The following UBTD2 variants were observed in gnomAD, a reference collection of about 807,000 sequenced individuals.
The protein encoded by UBTD2 is ubiquitin domain-containing protein 2.
Under a neutral mutation model 19.8 loss-of-function variants are expected in UBTD2, and 9 were observed. The ratio of observed to expected loss-of-function variants is 0.46; its 90% CI spans 0.27 to 0.79. The LOEUF (loss-of-function observed/expected upper bound fraction) is 0.79. Ranked by LOEUF, UBTD2 falls within the 30% of genes least tolerant of loss-of-function variation. The pLI is 0.14. For synonymous variants in UBTD2, 98 were observed against 103.9 expected (o/e 0.94, Z 0.35); for missense variants, 250 against 300.4 (o/e 0.83, Z 1.24).
At chr5:172,226,397 C>T (rs1022692658) in intron 2 of UBTD2, among the ~76,000 whole-genome samples, 6 of 151,424 alleles carry the variant, frequency 4.0e-5, no homozygotes, top group African/African-American at 1.2e-4. Flanking sequence ...AGTCTGTTTC[C>T]TCAAGAATTA....
intron 2 of UBTD2, among the ~76,000 whole-genome samples, chr5:172,228,594 G>A (rs977916329): frequency 1.3e-5 from 2 of 152,016 alleles, no homozygotes; most frequent in African/African-American, 2.4e-5. Context: ...GGTGCTGCAC[G>A]CCTGTAATCT....
chr5:172,277,465 G>A (rs115338680), intron 1 of UBTD2, among the ~76,000 whole-genome samples: 6,411 of 152,096 alleles, frequency 0.042, 192 homozygotes, highest in South Asian at 0.086. Context: ...CCAGCATTTT[G>A]GGAGGTCAAG....
intron 1 of UBTD2, 130 bp from the exon 2 acceptor site, chr5:172,234,488 T>G (rs1399958880): frequency 1.3e-6 from 1 of 768,152 alleles, no homozygotes; most frequent in Non-Finnish European, 2.1e-6. Flanking sequence ...CTAGCTAATT[T>G]GTGCATCCTG....
At chr5:172,253,226 C>T (rs1014197118) in intron 1 of UBTD2, among the ~76,000 whole-genome samples, 4 of 151,944 alleles carry the variant, frequency 2.6e-5, no homozygotes, top group South Asian at 2.1e-4. Flanking sequence ...TCTATGACTA[C>T]GATCATTACA....
intron 1 of UBTD2, among the ~76,000 whole-genome samples, chr5:172,267,902 G>T (rs1326473756): frequency 6.6e-6 from 1 of 152,232 alleles, no homozygotes; most frequent in East Asian, 1.9e-4. Flanking sequence ...AACGGAAGAT[G>T]AGTGGAACAC....
intron 2 of UBTD2, among the ~76,000 whole-genome samples, chr5:172,227,978 C>T (rs1192767676): frequency 6.6e-6 from 1 of 152,090 alleles, no homozygotes; most frequent in East Asian, 1.9e-4. Flanking sequence ...TGTGCCCGGC[C>T]TGAAAAATTC....
In UBTD2 at chr5:172,283,723, C is replaced by CGCCGCT; in HGVS notation, c.-64_-59dup. The CGCCGCT allele has an allele frequency of 8.6e-7, 1 of 1,162,400 alleles. No individual in the cohort carries two copies. Among genetic ancestry groups the CGCCGCT allele is most frequent in the East Asian group, 3.6e-5 (1 of 27,560 alleles). 72.0% of individuals were successfully genotyped at this position (1,162,400 alleles called of 1,614,324 possible). On this transcript the variant is annotated 5_prime_UTR_variant, in exon 1 of 3. Transcript: ENST00000393792. This position sits in a 1 kb window ranked among gnomAD's most constrained non-coding sequence, Gnocchi z 4.3. Reference sequence around the variant, plus strand: ...GACGCTCGTCCGGGCCCGCCGCCGCCGCCGCTGCAGCCTCCTCCGGCGCCA... The same window carrying CGCCGCT: ...GACGCTCGTCCGGGCCCGCCGCCGCCGCCGCTGCCGCTGCAGCCTCCTCCGGCGCCA...
chr5:172,227,496 C>G (rs1186204424), intron 2 of UBTD2, among the ~76,000 whole-genome samples: 1 of 151,256 alleles, frequency 6.6e-6, no homozygotes, highest in Non-Finnish European at 1.5e-5. Context: ...GCCTTCATTC[C>G]TAAGCTTTAT....
chr5:172,254,525 G>A, intron 1 of UBTD2: 1 of 580,652 alleles, frequency 1.7e-6, no homozygotes, highest in Non-Finnish European at 3.1e-6. Flanking sequence ...ACGTCCATGT[G>A]CATCCTTCCC....
intron 1 of UBTD2, among the ~76,000 whole-genome samples, chr5:172,251,614 T>C (rs546411952): frequency 6.5e-5 from 9 of 137,502 alleles, no homozygotes; most frequent in African/African-American, 2.2e-4. Context: ...GTGGGTATGT[T>C]CAAAGTGCAA....
intron 1 of UBTD2, chr5:172,255,103 GA>G: frequency 2.0e-6 from 1 of 488,854 alleles, no homozygotes; most frequent in Non-Finnish European, 4.0e-6. Context: ...TGCCAGCCTG[GA>G]GAAGGGGATG....
intron 1 of UBTD2, chr5:172,255,436 T>C (rs1023295355): frequency 1.0e-5 from 5 of 492,558 alleles, no homozygotes; most frequent in African/African-American, 1.0e-4. Context: ...ACATGAGCAT[T>C]CTTTTAAACC....
At chr5:172,217,341 C>G (rs1424338092) in intron 2 of UBTD2, among the ~76,000 whole-genome samples, 1 of 150,368 alleles carries the variant, frequency 6.7e-6, no homozygotes, top group Non-Finnish European at 1.5e-5. Flanking sequence ...ATGGCATGAA[C>G]CCGGGAGGCG....
intron 1 of UBTD2, among the ~76,000 whole-genome samples, chr5:172,271,254 C>G (rs1755483346): frequency 6.6e-6 from 1 of 151,924 alleles, no homozygotes; most frequent in South Asian, 2.1e-4. Flanking sequence ...CACAGTGAAA[C>G]CCCGTCTCTA....
At chr5:172,270,138 G>A (rs1251403159) in intron 1 of UBTD2, among the ~76,000 whole-genome samples, 4 of 151,274 alleles carry the variant, frequency 2.6e-5, no homozygotes, top group Non-Finnish European at 4.4e-5. Context: ...GGAGTGCAGT[G>A]GCACAATCAC....
At chr5:172,282,207 T>C (rs1280440851) in intron 1 of UBTD2, among the ~76,000 whole-genome samples, 1 of 152,354 alleles carries the variant, frequency 6.6e-6, no homozygotes, top group Middle Eastern at 3.4e-3. Flanking sequence ...GATCCTTCAA[T>C]TTCACCTTAA....
chr5:172,259,625 G>A (rs528000444), intron 1 of UBTD2, among the ~76,000 whole-genome samples: 28 of 152,136 alleles, frequency 1.8e-4, no homozygotes, highest in African/African-American at 6.5e-4. Flanking sequence ...GAGGCGGTGT[G>A]GGGGTGGGGA....
intron 1 of UBTD2, chr5:172,255,542 A>C (rs952298532): frequency 3.6e-6 from 1 of 275,816 alleles, no homozygotes; most frequent in Non-Finnish European, 7.4e-6. Context: ...GGAGGCCCCC[A>C]AGCGCAGTAA....
intron 1 of UBTD2, among the ~76,000 whole-genome samples, chr5:172,251,072 C>G (rs553077090): frequency 1.3e-5 from 2 of 151,302 alleles, no homozygotes; most frequent in East Asian, 3.9e-4. Context: ...CCCAGCACTT[C>G]GGGAGGCCGA....
Sources: gnomAD v4.1 joint callset for allele counts (sites outside exome capture counted in the v4.1 genomes callset) on GRCh38, gnomAD v4.1.1 for gene constraint, Gnocchi (gnomAD v3.1) non-coding constraint, MANE v1.5 for transcripts, NCBI Gene and HGNC (gene_info 2026-07-23, HGNC 2026-07-21) for gene names.